HDAC4: variants seen among roughly 807,000 people sequenced by gnomAD.
HDAC4 encodes histone deacetylase A.
HDAC4 carries 16 observed loss-of-function variants against 135.1 expected under a neutral mutation model. That is an observed-to-expected ratio of 0.12 (90% CI 0.08 to 0.18). The LOEUF is 0.18. HDAC4 is among the 10% of genes least tolerant of loss of function. HDAC4 has a pLI of 1.00. For missense variants in HDAC4, 1,143 were observed against 1,511.8 expected (o/e 0.76, Z 4.05); for synonymous variants, 685 against 653.4 (o/e 1.05, Z -0.74).
At chr2:239,254,349 A>AAAACC (rs1405251452) in intron 2 of HDAC4, among the ~76,000 whole-genome samples, 1 of 152,152 alleles carries the variant, frequency 6.6e-6, no homozygotes, top group Non-Finnish European at 1.5e-5. Context: ...CAAGAACAAC[A>AAAACC]AAACCGAGAA....
In HDAC4 at chr2:239,349,372, G is replaced by T. The variant is rs1453347218; in HGVS notation, c.22+3306C>A. ...ACACACCTAGAAATTTCCCGCTCAA[G>T]AGAGCAAACTGAATCCTTTAGTATT... On this transcript the variant is annotated intron_variant, in intron 2 of 26. Coordinates refer to ENST00000543185, the MANE Select transcript of HDAC4 (RefSeq NM_001378414.1). This position sits in a 1 kb window ranked among gnomAD's most constrained non-coding sequence, Gnocchi z 5.7. 6.6e-6 allele frequency among the ~76,000 whole-genome samples: 1 copy of T among 152,218 alleles called. No individual in the cohort carries two copies. Among genetic ancestry groups the T allele is most frequent in the East Asian group, 1.9e-4 (1 of 5,192 alleles).
chr2:239,371,343 TCAAA>T (rs1221585126), intron 1 of HDAC4, among the ~76,000 whole-genome samples: 2 of 145,800 alleles, frequency 1.4e-5, no homozygotes, highest in Admixed American at 7.1e-5. Context: ...ATGAACACAC[TCAAA>T]CACGCACACT....
intron 4 of HDAC4, among the ~76,000 whole-genome samples, chr2:239,185,696 G>C (rs2044506865): frequency 6.6e-6 from 1 of 152,142 alleles, no homozygotes; most frequent in Non-Finnish European, 1.5e-5. Flanking sequence ...CCATGTTTGT[G>C]TCCTGCCTCT....
chr2:239,321,240 C>T lies in HDAC4; in HGVS notation c.22+31438G>A, dbSNP rs1322933933. Reference sequence around the variant, plus strand: ...CGGCACTTTGGAAGGTGAAGGTGGGCGGATCACGAGGTCAGGAGATCGAGA... The same window carrying T: ...CGGCACTTTGGAAGGTGAAGGTGGGTGGATCACGAGGTCAGGAGATCGAGA... On this transcript the variant is annotated intron_variant, in intron 2 of 26. Transcript: ENST00000543185. 2.6e-5 allele frequency among the ~76,000 whole-genome samples: 4 copies of T among 152,048 alleles called. No homozygotes were observed. The East Asian group carries it at 5.8e-4, about 22-fold the overall frequency.
At chr2:239,218,471 G>A (rs1275438404) in intron 3 of HDAC4, among the ~76,000 whole-genome samples, 1 of 150,678 alleles carries the variant, frequency 6.6e-6, no homozygotes, top group African/African-American at 2.4e-5. Flanking sequence ...ATTAATTCAA[G>A]ATGGATTAAA....
At chr2:239,110,628 C>G (rs544895673) in intron 14 of HDAC4, among the ~76,000 whole-genome samples, 7 of 152,240 alleles carry the variant, frequency 4.6e-5, no homozygotes, top group Non-Finnish European at 1.0e-4. Context: ...ACCTCGCAGA[C>G]TGCAGAACAC....
In HDAC4 at chr2:239,074,706, C is replaced by T. The variant is rs183985418; in HGVS notation, c.2751-6099G>A. ...GGTGCATGAGTGCACCTTCAGCACC[C>T]GTTTGTGGCGCGACTAAGAAACGTC... On this transcript the variant is annotated intron_variant, in intron 22 of 26. Coordinates refer to ENST00000543185, the MANE Select transcript of HDAC4 (RefSeq NM_001378414.1). 2.4e-4 allele frequency among the ~76,000 whole-genome samples: 37 copies of T among 152,298 alleles called. No individual in the cohort carries two copies. In the East Asian group the frequency reaches 7.0e-3, roughly 29 times the overall value.
intron 1 of HDAC4, among the ~76,000 whole-genome samples, chr2:239,394,464 C>T (rs1696434583): frequency 1.3e-5 from 2 of 152,226 alleles, no homozygotes; most frequent in Admixed American, 6.5e-5. Flanking sequence ...CTGGGCGAAG[C>T]GGCTGGAGAA....
chr2:239,093,722 C>T (rs1223384539), intron 17 of HDAC4, among the ~76,000 whole-genome samples: 2 of 152,202 alleles, frequency 1.3e-5, no homozygotes, highest in Admixed American at 6.5e-5. Context: ...CTGGATTTAA[C>T]ACTTGGGAGG....
Position 239,146,923 on chromosome 2 carries a change from G to C in HDAC4, c.734-2209C>G, listed in dbSNP as rs556594162. On this transcript the variant is annotated intron_variant, in intron 7 of 26. Coordinates refer to ENST00000543185, the MANE Select transcript of HDAC4 (RefSeq NM_001378414.1). This position sits in a 1 kb window ranked among gnomAD's most constrained non-coding sequence, Gnocchi z 4.5. ...CTGCCTGGGCTCCCTGATTCTAGCC[G>C]ACTGCACGTCCCTGGTCGACTCTGC... Among the ~76,000 whole-genome samples the C allele has an allele frequency of 6.6e-6, 1 of 152,120 alleles. No homozygotes were observed. Among genetic ancestry groups the C allele is most frequent in the Admixed American group, 6.5e-5 (1 of 15,290 alleles).
chr2:239,291,964 G>A (rs900645859), intron 2 of HDAC4, among the ~76,000 whole-genome samples: 6 of 152,254 alleles, frequency 3.9e-5, no homozygotes, highest in Non-Finnish European at 5.9e-5. Flanking sequence ...TGATGGGGCA[G>A]GATGCTGGTG....
intron 2 of HDAC4, among the ~76,000 whole-genome samples, chr2:239,316,275 T>C (rs532485394): frequency 6.6e-6 from 1 of 152,324 alleles, no homozygotes; most frequent in African/African-American, 2.4e-5. Flanking sequence ...TATCTTTTGA[T>C]AGAAATCACT....
intron 1 of HDAC4, among the ~76,000 whole-genome samples, chr2:239,357,600 G>C (rs554215377): frequency 1.3e-5 from 2 of 151,852 alleles, no homozygotes; most frequent in Middle Eastern, 3.4e-3. Flanking sequence ...AATGAGAGAG[G>C]GGGCCAGGTG....
At chr2:239,190,350 C>T (rs1448643143) in intron 3 of HDAC4, among the ~76,000 whole-genome samples, 3 of 152,224 alleles carry the variant, frequency 2.0e-5, no homozygotes, top group Non-Finnish European at 4.4e-5. Context: ...CCTGTTCCTT[C>T]CTCCACCCTC....
At chr2:239,288,946 C>T (rs528326318) in intron 2 of HDAC4, among the ~76,000 whole-genome samples, 31 of 152,164 alleles carry the variant, frequency 2.0e-4, no homozygotes, top group Non-Finnish European at 3.8e-4. Context: ...CTAGACAAGT[C>T]ACAGCTTAGG....
intron 2 of HDAC4, among the ~76,000 whole-genome samples, chr2:239,239,627 G>A (rs2048065729): frequency 6.6e-6 from 1 of 152,202 alleles, no homozygotes; most frequent in Non-Finnish European, 1.5e-5. Context: ...ACAAAGACCA[G>A]ATAAGGCTTA....
In HDAC4 at chr2:239,122,392, T is replaced by C. The variant is rs369998570; in HGVS notation, c.1533+4064A>G. On this transcript the variant is annotated intron_variant, in intron 12 of 26. Transcript: ENST00000543185. ...TCACCCACTGCTCGCAAACCAGACA[T>C]AACTGAGGCCAAGTCCGGACGTGGC... Among the ~76,000 whole-genome samples, 5 of 152,248 alleles carry C rather than the reference T, an allele frequency of 3.3e-5. No individual in the cohort carries two copies. In the East Asian group the frequency reaches 5.8e-4, roughly 18 times the overall value.
At position 239,231,207 on chromosome 2, in the gene HDAC4, G is replaced by A. The variant is rs147794884; in HGVS notation, c.94+5386C>T. On this transcript the variant is annotated intron_variant, in intron 3 of 26. Coordinates refer to ENST00000543185, the MANE Select transcript of HDAC4 (RefSeq NM_001378414.1). ...ACGTTTCCCAGGACACAGGTACAGA[G>A]GGTGATGAAACCGCCACCCCTATGC... 2.8e-3 allele frequency among the ~76,000 whole-genome samples: 419 copies of A among 152,318 alleles called. 2 individuals carry two copies. The highest frequency in any genetic ancestry group is 4.1e-3 in the Non-Finnish European group (282 of 68,028).
At chr2:239,242,090 G>T (rs2048205348) in intron 2 of HDAC4, among the ~76,000 whole-genome samples, 1 of 150,384 alleles carries the variant, frequency 6.6e-6, no homozygotes, top group Admixed American at 6.7e-5. Flanking sequence ...AGGAAGGAAG[G>T]AAGGAAGGAA....
Sources: allele counts gnomAD v4.1 joint callset (sites outside exome capture counted in the v4.1 genomes callset), GRCh38; gene constraint gnomAD v4.1.1; non-coding constraint Gnocchi (gnomAD v3.1); transcripts MANE v1.5; gene names NCBI Gene and HGNC (gene_info 2026-07-23, HGNC 2026-07-21).